Variants in EVC2 observed in about 807,000 individuals in gnomAD.
The protein encoded by EVC2 is EvC ciliary complex subunit 2.
In EVC2, 148 loss-of-function variants were observed where a neutral mutation model predicts 149.3. The observed-to-expected ratio is 0.99, with a 90% CI of 0.87 to 1.14. The LOEUF is 1.14. Ranked by LOEUF, EVC2 falls within the 50% of genes most tolerant of loss-of-function variation. The pLI is 0.00. For missense variants in EVC2, 1,854 were observed against 1,627.3 expected, an observed-to-expected ratio of 1.14 and a Z score of -2.40; for synonymous variants, 776 against 649.9, an observed-to-expected ratio of 1.19 and a Z score of -2.95.
In EVC2 at chr4:5,625,933, G is replaced by C. The variant is rs1267282906; in HGVS notation, c.1887-25C>G. On this transcript the variant is annotated intron_variant, in intron 12 of 21. Coordinates refer to ENST00000344408, the MANE Select transcript of EVC2 (RefSeq NM_147127.5). This position sits in a 1 kb window ranked among gnomAD's most constrained non-coding sequence, Gnocchi z 4.0. ...TCTAGATGGAAAGGATGTAAAGTTA[G>C]GAATGTGGTCTCCAAACTCACCTGT... The C allele has an allele frequency of 1.2e-6, 2 of 1,613,464 alleles. No individual in the cohort carries two copies. The highest frequency in any genetic ancestry group is 2.2e-5 in the South Asian group (2 of 91,080).
Position 5,618,517 on chromosome 4 carries a change from G to A in EVC2, c.2667C>T (p.Phe889=), listed in dbSNP as rs201173415. The A allele has an allele frequency of 3.7e-5, 60 of 1,613,730 alleles. No individual in the cohort carries two copies. Among genetic ancestry groups the A allele is most frequent in the South Asian group, 4.4e-5 (4 of 91,064 alleles). ...QFQTAWREAE[F]VKLDQAVAAP... ...CAGCCACGGCCTGGTCCAGCTTCAC[G>A]AACTCTGCTTCTCGCCACGCAGTCT... The change falls in exon 15 of 22, where the codon TTC becomes TTT. Residue 889 remains phenylalanine (F), a synonymous_variant. Transcript: ENST00000344408. This position sits in a 1 kb window ranked among gnomAD's most constrained non-coding sequence, Gnocchi z 4.4.
chr4:5,693,456 G>A (rs756687745), intron 3 of EVC2, among the ~76,000 whole-genome samples: 1 of 152,244 alleles, frequency 6.6e-6, no homozygotes, highest in Non-Finnish European at 1.5e-5. Context: ...AGAGCAGATG[G>A]AGGGAGAGAG....
chr4:5,622,676 C>T lies in EVC2; in HGVS notation c.2362G>A (p.Ala788Thr), dbSNP rs1715785037. ...CTCTCCTCCCCCTCCAGCTGCTCGG[C>T]CCGTGCAGCCATCTCCTTGCCGTGC... ...EEHGKEMAARAEQLEGEERDR... is the reference protein window; with the variant it reads ...EEHGKEMAARTEQLEGEERDR... The change falls in exon 14 of 22, where the codon GCC becomes ACC. Residue 788 changes from alanine (A) to threonine (T), a missense_variant. By Grantham distance (58) the Ala-to-Thr change is moderately conservative (BLOSUM62 0). Coordinates refer to ENST00000344408, the MANE Select transcript of EVC2 (RefSeq NM_147127.5). This position sits in a 1 kb window ranked among gnomAD's most constrained non-coding sequence, Gnocchi z 5.8. 1 of 1,614,132 alleles carries T rather than the reference C, an allele frequency of 6.2e-7. No homozygotes were observed. Among genetic ancestry groups the T allele is most frequent in the Non-Finnish European group, 8.5e-7 (1 of 1,180,034 alleles).
At chr4:5,603,202 A>G (rs1013591393) in intron 16 of EVC2, among the ~76,000 whole-genome samples, 64 of 152,342 alleles carry the variant, frequency 4.2e-4, no homozygotes, top group African/African-American at 1.5e-3. Context: ...AAGTCTGACC[A>G]TGAGGCCTTG....
At position 5,582,499 on chromosome 4, in the gene EVC2, T is replaced by C. The variant is rs145798004; in HGVS notation, c.3057+2124A>G. Among the ~76,000 whole-genome samples the C allele has an allele frequency of 3.6e-3, 552 of 152,356 alleles. 5 individuals carry two copies. The highest frequency in any genetic ancestry group is 0.01 in the Middle Eastern group (3 of 294). On this transcript the variant is annotated intron_variant, in intron 17 of 21. Transcript: ENST00000344408. Reference sequence around the variant, plus strand: ...AACAGGAATATTTACCCAGTGCCTATAACTCCATTGCATCACTGGAAGTAA... The same window carrying C: ...AACAGGAATATTTACCCAGTGCCTACAACTCCATTGCATCACTGGAAGTAA...
intron 14 of EVC2, among the ~76,000 whole-genome samples, chr4:5,620,248 G>A (rs950954277): frequency 2.0e-5 from 3 of 152,116 alleles, no homozygotes; most frequent in Admixed American, 6.6e-5. Context: ...TGATTACGCC[G>A]AATCCAAAGT....
chr4:5,530,004 C>T, the EVC2 span, among the ~76,000 whole-genome samples: 8 of 151,988 alleles, frequency 5.3e-5, no homozygotes, highest in African/African-American at 1.7e-4. Flanking sequence ...TTAGTAGAGA[C>T]GGGATTTCGC....
chr4:5,598,050 T>G (rs1422350021), intron 16 of EVC2, among the ~76,000 whole-genome samples: 2 of 142,024 alleles, frequency 1.4e-5, no homozygotes, highest in Non-Finnish European at 1.5e-5. Context: ...TACAAACCAC[T>G]GCTCAAGGAA....
chr4:5,544,512 G>A (rs1721576277), intron 21 of EVC2, among the ~76,000 whole-genome samples: 1 of 152,196 alleles, frequency 6.6e-6, no homozygotes, highest in South Asian at 2.1e-4. Context: ...AACACAATCA[G>A]TGCAGGAGTC....
intron 16 of EVC2, among the ~76,000 whole-genome samples, chr4:5,588,779 T>C (rs1399082031): frequency 6.6e-6 from 1 of 152,210 alleles, no homozygotes; most frequent in Non-Finnish European, 1.5e-5. Flanking sequence ...TATCTATACT[T>C]AACCTTTTTT....
Position 5,685,415 on chromosome 4 carries a change from C to T in EVC2, c.771G>A (p.Glu257=), listed in dbSNP as rs1383669062. 6.2e-7 allele frequency: 1 copy of T among 1,614,228 alleles called. No homozygotes were observed. Among genetic ancestry groups the T allele is most frequent in the Non-Finnish European group, 8.5e-7 (1 of 1,180,032 alleles). ...TGAGTTGGGCAGGAAGCTTGAGGCT[C>T]TCCCCGTTCCCGAGGTCTCCAGCCT... is the stretch of plus-strand genomic sequence containing the variant. ...TLQAGDLGNG[E]SLKLPAQLTF... The change falls in exon 6 of 22, where the codon GAG becomes GAA. Residue 257 remains glutamate, a synonymous_variant. Transcript: ENST00000344408.
chr4:5,554,016 A>G (rs541932231), intron 21 of EVC2, among the ~76,000 whole-genome samples: 1 of 152,342 alleles, frequency 6.6e-6, no homozygotes, highest in African/African-American at 2.4e-5. Context: ...GCATTGCCAT[A>G]TACCAAAACT....
chr4:5,664,848 G>C (rs1042726310), intron 8 of EVC2, among the ~76,000 whole-genome samples: 8 of 152,142 alleles, frequency 5.3e-5, no homozygotes, highest in Non-Finnish European at 1.2e-4. Context: ...TAAGCTACTT[G>C]AATGGGAATT....
chr4:5,576,198 T>C lies in EVC2; in HGVS notation c.3272+42A>G. The stretch of plus-strand genomic sequence containing the variant: ...GAGATGCCAGGTTCTCCAGGACTGC[T>C]GGGGACTAATATCTTTGAGTGCTAC... On this transcript the variant is annotated intron_variant, in intron 18 of 21. Transcript: ENST00000344408. This position sits in a 1 kb window ranked among gnomAD's most constrained non-coding sequence, Gnocchi z 4.5. 2 of 1,613,962 alleles carry C rather than the reference T, an allele frequency of 1.2e-6. No homozygotes were observed. Among genetic ancestry groups the C allele is most frequent in the Non-Finnish European group, 1.7e-6 (2 of 1,180,034 alleles).
rs190201058 is a variant in EVC2 at position 5,623,178 on chromosome 4, C to G, written c.2047-187G>C. Among the ~76,000 whole-genome samples, 441 of 152,274 alleles carry G rather than the reference C, an allele frequency of 2.9e-3. 2 individuals carry two copies. Among genetic ancestry groups the G allele is most frequent in the African/African-American group, 0.01 (432 of 41,568 alleles). ...TGAGATTGAATCTTGCTCTGTTGCCCAGGCTGGAGTGCAATGGTGCGATCT... is the reference window on the plus strand; with the variant it reads ...TGAGATTGAATCTTGCTCTGTTGCCGAGGCTGGAGTGCAATGGTGCGATCT... On this transcript the variant is annotated intron_variant, in intron 13 of 21. Transcript: ENST00000344408.
At chr4:5,556,179 CAAAAAAAAAAA>C (rs61024761) in intron 21 of EVC2, among the ~76,000 whole-genome samples, 129 of 65,046 alleles carry the variant, frequency 2.0e-3, no homozygotes, top group Middle Eastern at 0.029. Context: ...GACTCCGTCT[CAAAAAAAAAAA>C]AAAAAAAAAA....
rs541956407 is a variant in EVC2, at chr4:5,622,614, C to G, written c.2424G>C (p.Gln808His). 12 of 1,613,954 alleles carry G rather than the reference C, an allele frequency of 7.4e-6. No individual in the cohort carries two copies. The highest frequency in any genetic ancestry group is 1.0e-5 in the Non-Finnish European group (12 of 1,180,022). The change falls in exon 14 of 22, where the codon CAG becomes CAC. Residue 808 changes from glutamine (Q) to histidine (H), a missense_variant. Coordinates refer to ENST00000344408, the MANE Select transcript of EVC2 (RefSeq NM_147127.5). The surrounding 1 kb of genome is among the most constrained non-coding windows in gnomAD (Gnocchi z 5.8). ...CCTCAGGAGCGTCATCCTTCAGTCTCTGCCTCACGCTCTGGACACCCTCCT... is the reference window on the plus strand; with the variant it reads ...CCTCAGGAGCGTCATCCTTCAGTCTGTGCCTCACGCTCTGGACACCCTCCT... ...RDQEGVQSVR[Q>H]RLKDDAPEAV...
At chr4:5,680,962 G>A (rs1720296728) in intron 7 of EVC2, among the ~76,000 whole-genome samples, 1 of 152,250 alleles carries the variant, frequency 6.6e-6, no homozygotes, top group Non-Finnish European at 1.5e-5. Flanking sequence ...TGACCTAGTG[G>A]CAAACACTGG....
intron 7 of EVC2, among the ~76,000 whole-genome samples, chr4:5,667,684 T>G (rs1223826520): frequency 6.6e-6 from 1 of 152,214 alleles, no homozygotes; most frequent in Non-Finnish European, 1.5e-5. Context: ...TCACAAAAGA[T>G]GTGCTTAATT....
Sources: allele counts gnomAD v4.1 joint callset (sites outside exome capture counted in the v4.1 genomes callset), GRCh38; gene constraint gnomAD v4.1.1; non-coding constraint Gnocchi (gnomAD v3.1); transcripts MANE v1.5; gene names NCBI Gene and HGNC (gene_info 2026-07-23, HGNC 2026-07-21).